The following FGF1 variants were observed in gnomAD, a reference collection of about 807,000 sequenced individuals.
FGF1 encodes beta-endothelial cell growth factor.
FGF1 carries 9 observed loss-of-function variants against 13.4 expected under a neutral mutation model. That is an observed-to-expected ratio of 0.67 (90% CI 0.40 to 1.17). FGF1 has a LOEUF of 1.17. Ranked by LOEUF, FGF1 falls within the 50% of genes most tolerant of loss-of-function variation. The pLI is 0.01. For synonymous variants in FGF1, 93 were observed against 79.0 expected (o/e 1.18, Z -0.94); for missense variants, 156 against 192.7 (o/e 0.81, Z 1.13).
intron 1 of FGF1, among the ~76,000 whole-genome samples, chr5:142,641,217 A>G (rs982480111): frequency 3.3e-5 from 5 of 151,970 alleles, no homozygotes; most frequent in Non-Finnish European, 4.4e-5. Flanking sequence ...CTAACTGCCT[A>G]TTTTGCTGTT....
intron 1 of FGF1, 141 bp from the exon 2 acceptor site, chr5:142,614,302 C>T (rs17223611): frequency 0.02 from 12,876 of 649,248 alleles, 480 homozygotes; most frequent in East Asian, 0.14. Context: ...GCCCGCAGTC[C>T]GCGGGCCTGT....
intron 1 of FGF1, among the ~76,000 whole-genome samples, chr5:142,659,198 C>A (rs1386266779): frequency 6.9e-6 from 1 of 145,134 alleles, no homozygotes; most frequent in Admixed American, 6.9e-5. Flanking sequence ...TTGTATTTTT[C>A]TTTGATAAAA....
At chr5:142,603,793 G>T (rs1028906730) in intron 2 of FGF1, among the ~76,000 whole-genome samples, 1 of 152,188 alleles carries the variant, frequency 6.6e-6, no homozygotes, top group Non-Finnish European at 1.5e-5. Flanking sequence ...TCTTGGCTAG[G>T]CTGCATAGCC....
chr5:142,625,792 G>A (rs927371227), intron 1 of FGF1, among the ~76,000 whole-genome samples: 3 of 152,204 alleles, frequency 2.0e-5, no homozygotes, highest in African/African-American at 7.2e-5. Context: ...TGAATCTGTT[G>A]TTGTGCAAGT....
intron 1 of FGF1, among the ~76,000 whole-genome samples, chr5:142,652,813 G>C (rs1162016428): frequency 6.6e-6 from 1 of 152,238 alleles, no homozygotes; most frequent in Non-Finnish European, 1.5e-5. Flanking sequence ...GTCCACGCCA[G>C]GCCCCGGGCG....
At chr5:142,640,281 A>C (rs1386978994) in intron 1 of FGF1, among the ~76,000 whole-genome samples, 1 of 151,946 alleles carries the variant, frequency 6.6e-6, no homozygotes, top group Non-Finnish European at 1.5e-5. Context: ...TTTCCTTGTC[A>C]ATTTTTATTC....
intron 1 of FGF1, among the ~76,000 whole-genome samples, chr5:142,625,693 G>A (rs1442864318): frequency 2.0e-5 from 3 of 152,174 alleles, no homozygotes; most frequent in Non-Finnish European, 4.4e-5. Flanking sequence ...AGGGCTTCAC[G>A]CCAAATGCAA....
At chr5:142,677,307 A>G (rs1051691747) in intron 1 of FGF1, among the ~76,000 whole-genome samples, 1 of 152,198 alleles carries the variant, frequency 6.6e-6, no homozygotes, top group African/African-American at 2.4e-5. Flanking sequence ...GATGAGCTAC[A>G]TTGTCTGTCT....
intron 1 of FGF1, among the ~76,000 whole-genome samples, chr5:142,620,010 T>A (rs182526529): frequency 1.3e-5 from 2 of 152,240 alleles, no homozygotes. Flanking sequence ...GCTACTGTTT[T>A]TTTTTTAACT....
intron 1 of FGF1, among the ~76,000 whole-genome samples, chr5:142,661,919 C>T (rs536968200): frequency 9.2e-5 from 14 of 152,092 alleles, no homozygotes; most frequent in East Asian, 7.7e-4. Flanking sequence ...AGGAGAATGG[C>T]GTGAACCTAG....
chr5:142,685,953 T>G lies in FGF1; in HGVS notation c.-35+4A>C, dbSNP rs1006898828. On this transcript the variant is annotated splice_donor_region_variant and intron_variant, in intron 1 of 3. Coordinates refer to ENST00000337706, the MANE Select transcript of FGF1 (RefSeq NM_000800.5). ...TTTCCCAGATCAGATGCCCTGATTC[T>G]TACCTAAAGAGCTTGTAGGCCGAGG... 1 of 152,232 alleles carries G rather than the reference T, an allele frequency of 6.6e-6. No individual in the cohort carries two copies. The highest frequency in any genetic ancestry group is 1.5e-5 in the Non-Finnish European group (1 of 68,136). The allele number at this position is 152,232 out of a possible 1,614,324, so 9.4% of individuals were successfully genotyped here.
chr5:142,644,307 C>A (rs896188822), intron 1 of FGF1: 1 of 152,238 alleles, frequency 6.6e-6, no homozygotes, highest in African/African-American at 2.4e-5. Context: ...TTTGAGACAG[C>A]CTTCTCCTCC....
intron 3 of FGF1, among the ~76,000 whole-genome samples, chr5:142,598,623 C>T (rs12653457): frequency 0.092 from 14,007 of 152,116 alleles, 1,346 homozygotes; most frequent in African/African-American, 0.24. Context: ...AAAAAATATA[C>T]ATATCCTTTC....
intron 2 of FGF1, among the ~76,000 whole-genome samples, chr5:142,608,252 G>T (rs973860031): frequency 1.3e-5 from 2 of 151,982 alleles, no homozygotes; most frequent in Non-Finnish European, 2.9e-5. Context: ...CCTGCTTTCC[G>T]CCTCTGCTCT....
In FGF1 at chr5:142,656,202, A is replaced by C. The variant is rs1406729495; in HGVS notation, c.-35+29755T>G. ...CCTCAGGAACCAGTATCTTCTTCCA[A>C]TATTGACTCTAGCCATAGAAAATGG... On this transcript the variant is annotated intron_variant, in intron 1 of 3. Coordinates refer to ENST00000337706, the MANE Select transcript of FGF1 (RefSeq NM_000800.5). Among the ~76,000 whole-genome samples, 3 of 150,548 alleles carry C rather than the reference A, an allele frequency of 2.0e-5. No individual in the cohort carries two copies. The East Asian group carries it at 6.0e-4, about 30-fold the overall frequency.
At chr5:142,684,908 T>C (rs1206822432) in intron 1 of FGF1, among the ~76,000 whole-genome samples, 3 of 142,730 alleles carry the variant, frequency 2.1e-5, no homozygotes. Flanking sequence ...AAAGGAAAAG[T>C]GCCAGTCACC....
intron 1 of FGF1, among the ~76,000 whole-genome samples, chr5:142,625,750 C>T (rs1462807024): frequency 6.6e-6 from 1 of 152,254 alleles, no homozygotes; most frequent in African/African-American, 2.4e-5. Flanking sequence ...CTCCTTTAGC[C>T]TTCTCTTACT....
At chr5:142,622,759 C>A (rs1761858901) in intron 1 of FGF1, among the ~76,000 whole-genome samples, 1 of 152,204 alleles carries the variant, frequency 6.6e-6, no homozygotes, top group South Asian at 2.1e-4. Context: ...GCAGTGTGTT[C>A]TTTGCTTTCT....
chr5:142,628,451 A>C (rs1043156422), intron 1 of FGF1, among the ~76,000 whole-genome samples: 3 of 152,246 alleles, frequency 2.0e-5, no homozygotes, highest in African/African-American at 7.2e-5. Flanking sequence ...CAGAGGTTGC[A>C]GTGAGCCGAG....
Sources: allele counts gnomAD v4.1 joint callset (sites outside exome capture counted in the v4.1 genomes callset), GRCh38; gene constraint gnomAD v4.1.1; transcripts MANE v1.5; gene names NCBI Gene and HGNC (gene_info 2026-07-23, HGNC 2026-07-21).